The following LIMS1 variants were observed in gnomAD, a reference collection of about 807,000 sequenced individuals.
LIMS1 encodes LIM zinc finger domain containing 1, also known as LIM and senescent cell antigen-like-containing domain protein 1.
LIMS1 carries 18 observed loss-of-function variants against 44.1 expected under a neutral mutation model. The observed-to-expected ratio is 0.41, with a 90% CI of 0.28 to 0.61. The LOEUF is 0.61. LIMS1 is among the 20% of genes least tolerant of loss of function. The pLI, the probability that LIMS1 is intolerant of heterozygous loss-of-function variation, is 0.32. For missense variants in LIMS1, 201 were observed against 422.0 expected (o/e 0.48, Z 4.59); for synonymous variants, 93 against 149.1 (o/e 0.62, Z 2.74).
chr2:108,540,673 C>T (rs1158154805), intron 1 of LIMS1, among the ~76,000 whole-genome samples: 1 of 152,188 alleles, frequency 6.6e-6, no homozygotes, highest in Non-Finnish European at 1.5e-5. Flanking sequence ...CTACTGAACT[C>T]ATGCACTTTA....
exon 1 of LIMS1, chr2:108,534,408 C>CG (rs1163398640): frequency 1.3e-4 from 49 of 385,530 alleles, no homozygotes; most frequent in African/African-American, 1.0e-3. Flanking sequence ...GCCTTCCCCC[C>CG]CCTCCCGCGC....
chr2:108,638,605 G>C (rs55861910), intron 1 of LIMS1, among the ~76,000 whole-genome samples: 53,064 of 151,870 alleles, frequency 0.35, 11,526 homozygotes, highest in East Asian at 0.89. Context: ...AAATTAGCCT[G>C]GTGTGGTAGC....
chr2:108,574,692 GAAGC>G (rs1169703019), intron 1 of LIMS1, among the ~76,000 whole-genome samples: 7 of 152,222 alleles, frequency 4.6e-5, no homozygotes, highest in African/African-American at 1.7e-4. Flanking sequence ...TGAGAAATGT[GAAGC>G]TCACAGATGT....
chr2:108,658,968 G>GCCAT, intron 1 of LIMS1, among the ~76,000 whole-genome samples: 1 of 152,276 alleles, frequency 6.6e-6, no homozygotes, highest in Non-Finnish European at 1.5e-5. Flanking sequence ...AACCTGTTTT[G>GCCAT]CCATCTGTAA....
chr2:108,590,754 T>A (rs916731815), intron 1 of LIMS1, among the ~76,000 whole-genome samples: 4 of 152,228 alleles, frequency 2.6e-5, no homozygotes, highest in Non-Finnish European at 5.9e-5. Context: ...CCATTGCCTT[T>A]CCATCTCACC....
Position 108,626,079 on chromosome 2 carries a change from T to C in LIMS1, c.33-33526T>C, listed in dbSNP as rs80218603. ...ATTGTTATGAAACCAGTTTCTGTCCTTGATTCAAATAAGTTAGTGCTTAGA... is the reference window on the plus strand; with the variant it reads ...ATTGTTATGAAACCAGTTTCTGTCCCTGATTCAAATAAGTTAGTGCTTAGA... On this transcript the variant is annotated intron_variant, in intron 1 of 9. Transcript: ENST00000544547. Among the ~76,000 whole-genome samples, 437 of 152,360 alleles carry C rather than the reference T, an allele frequency of 2.9e-3. 1 individual carries two copies. The highest frequency in any genetic ancestry group is 0.014 in the South Asian group (69 of 4,828).
intron 1 of LIMS1, among the ~76,000 whole-genome samples, chr2:108,625,301 A>G (rs1453455630): frequency 1.3e-5 from 2 of 152,200 alleles, no homozygotes; most frequent in African/African-American, 4.8e-5. Flanking sequence ...GCTTATTTGT[A>G]TGTGTTGCCT....
rs566680978 is a variant in LIMS1 at position 108,638,061 on chromosome 2, G to A, written c.33-21544G>A. ...GTGTGTCACCACGTTGCCCAGGCTG[G>A]TCTCCAGCTCCTGAGCTCAAGTGAT... On this transcript the variant is annotated intron_variant, in intron 1 of 9. Transcript: ENST00000544547. Among the ~76,000 whole-genome samples, 33 of 152,118 alleles carry A rather than the reference G, an allele frequency of 2.2e-4. No individual in the cohort carries two copies. The South Asian group carries it at 6.8e-3, about 32-fold the overall frequency.
chr2:108,633,453 A>G lies in LIMS1; in HGVS notation c.33-26152A>G, dbSNP rs866117. ...TCTGAACATAGTCCAAATAGTCACC[A>G]TATTTATTAGTTTATTTGAACCACT... On this transcript the variant is annotated intron_variant, in intron 1 of 9. Coordinates refer to ENST00000544547, the Ensembl canonical transcript of LIMS1. Among the ~76,000 whole-genome samples the G allele has an allele frequency of 8.6e-3, 1,311 of 152,336 alleles. 13 individuals are homozygous for G. Among genetic ancestry groups the G allele is most frequent in the Non-Finnish European group, 0.013 (884 of 68,020 alleles).
chr2:108,645,466 C>T (rs1689994314), intron 1 of LIMS1, among the ~76,000 whole-genome samples: 1 of 152,114 alleles, frequency 6.6e-6, no homozygotes, highest in African/African-American at 2.4e-5. Flanking sequence ...CACCACCAGG[C>T]CTGCCTTACA....
chr2:108,657,390 T>G (rs1379234676), intron 1 of LIMS1, among the ~76,000 whole-genome samples: 1 of 152,310 alleles, frequency 6.6e-6, no homozygotes, highest in African/African-American at 2.4e-5. Flanking sequence ...GCCATATATA[T>G]GAGCAGCATC....
intron 2 of LIMS1, among the ~76,000 whole-genome samples, chr2:108,665,872 C>A (rs1044366812): frequency 6.6e-6 from 1 of 152,168 alleles, no homozygotes; most frequent in Non-Finnish European, 1.5e-5. Context: ...TGACTAATTT[C>A]AGAAGAATTT....
intron 3 of LIMS1, among the ~76,000 whole-genome samples, chr2:108,671,951 G>A (rs541772162): frequency 1.3e-5 from 2 of 152,080 alleles, no homozygotes; most frequent in Non-Finnish European, 2.9e-5. Flanking sequence ...AGGCCAAGAC[G>A]GGCGGATCAC....
At chr2:108,646,741 C>G (rs1380512675) in intron 1 of LIMS1, among the ~76,000 whole-genome samples, 1 of 152,136 alleles carries the variant, frequency 6.6e-6, no homozygotes, top group South Asian at 2.1e-4. Context: ...GAGTCTGGCT[C>G]TGTCGCCAGG....
At chr2:108,595,676 C>T (rs1686645173) in intron 1 of LIMS1, among the ~76,000 whole-genome samples, 1 of 152,084 alleles carries the variant, frequency 6.6e-6, no homozygotes, top group African/African-American at 2.4e-5. Context: ...TCAGTGTACC[C>T]CCCAGGTCCT....
At chr2:108,551,385 A>T (rs1163073009) in intron 1 of LIMS1, among the ~76,000 whole-genome samples, 1 of 146,428 alleles carries the variant, frequency 6.8e-6, no homozygotes, top group African/African-American at 2.5e-5. Context: ...ATATAACTGT[A>T]TATTTTATAT....
intron 1 of LIMS1, among the ~76,000 whole-genome samples, chr2:108,578,587 A>ATTTTTTT (rs575139291): frequency 6.9e-5 from 7 of 100,784 alleles, no homozygotes; most frequent in Admixed American, 1.3e-4. Flanking sequence ...AATGTAAATA[A>ATTTTTTT]TTTTTTTTTT....
intron 1 of LIMS1, among the ~76,000 whole-genome samples, chr2:108,633,199 A>G (rs1194302430): frequency 6.6e-6 from 1 of 152,142 alleles, no homozygotes; most frequent in African/African-American, 2.4e-5. Context: ...GGTTATTTTT[A>G]TGTATTCTTT....
intron 1 of LIMS1, among the ~76,000 whole-genome samples, chr2:108,635,107 T>C (rs1337195317): frequency 6.6e-6 from 1 of 151,936 alleles, no homozygotes; most frequent in African/African-American, 2.4e-5. Context: ...GAACAATGAG[T>C]CCATGTGTGG....
Sources: gnomAD v4.1 joint callset for allele counts (sites outside exome capture counted in the v4.1 genomes callset) on GRCh38, gnomAD v4.1.1 for gene constraint, MANE v1.5 for transcripts, NCBI Gene and HGNC (gene_info 2026-07-23, HGNC 2026-07-21) for gene names.